Variants in MINDY3 observed in about 807,000 individuals in gnomAD.
MINDY3 encodes ubiquitin carboxyl-terminal hydrolase MINDY-3.
Under a neutral mutation model 69.2 loss-of-function variants are expected in MINDY3, and 38 were observed. The observed-to-expected ratio is 0.55, with a 90% CI of 0.42 to 0.72. The LOEUF (loss-of-function observed/expected upper bound fraction) is 0.72. MINDY3 is among the 30% of genes least tolerant of loss of function. MINDY3 has a pLI of 0.00. For missense variants in MINDY3, 522 were observed against 519.0 expected, an observed-to-expected ratio of 1.01 and a Z score of -0.06; for synonymous variants, 192 against 180.1, an observed-to-expected ratio of 1.07 and a Z score of -0.53.
rs771489297 is a variant in MINDY3, at chr10:15,838,276, G to A, written c.413C>T (p.Ala138Val). The A allele has an allele frequency of 6.2e-7, 1 of 1,601,542 alleles. No homozygotes were observed. Among genetic ancestry groups the A allele is most frequent in the Non-Finnish European group, 8.5e-7 (1 of 1,175,108 alleles). Residue 138 changes from alanine to valine, a missense_variant, in exon 5 of 15, where the codon GCC (alanine) becomes GTC (valine). Physicochemically the swap from Ala to Val is moderately conservative, Grantham distance 64 (BLOSUM62 0). Transcript: ENST00000277632. The part of the protein sequence containing the change: ...ESSCQVEHSS[A>V]LAVEELGFER... ...AAAGCCAAGCTCTTCGACAGCCAAG[G>A]CAGCTATACATAAAAGACACTTTTC...
chr10:15,850,291 A>G (rs1834188410), intron 1 of MINDY3, among the ~76,000 whole-genome samples: 1 of 152,354 alleles, frequency 6.6e-6, no homozygotes, highest in African/African-American at 2.4e-5. Flanking sequence ...GTGTTTGAAC[A>G]ATATGAAATT....
chr10:15,802,467 C>G (rs776317466), intron 10 of MINDY3, among the ~76,000 whole-genome samples: 5 of 152,050 alleles, frequency 3.3e-5, no homozygotes, highest in Admixed American at 6.6e-5. Context: ...ACAACCAGAT[C>G]TCCTGAGAAC....
At chr10:15,799,389 G>A (rs890903270) in intron 10 of MINDY3, among the ~76,000 whole-genome samples, 11 of 151,824 alleles carry the variant, frequency 7.2e-5, no homozygotes, top group African/African-American at 2.7e-4. Flanking sequence ...AGTAGAGACC[G>A]GGTTTCACTA....
chr10:15,780,909 A>G (rs969149581), intron 14 of MINDY3, among the ~76,000 whole-genome samples: 2 of 152,128 alleles, frequency 1.3e-5, no homozygotes, highest in African/African-American at 2.4e-5. Context: ...TGTTCTGCCA[A>G]TGACTTGCTG....
chr10:15,801,472 C>A (rs1838256106), intron 10 of MINDY3, among the ~76,000 whole-genome samples: 2 of 152,024 alleles, frequency 1.3e-5, no homozygotes, highest in Admixed American at 1.3e-4. Context: ...AAGAGACCAC[C>A]TTTTAAAGTT....
chr10:15,844,979 T>TA, intron 2 of MINDY3, among the ~76,000 whole-genome samples: 1 of 152,308 alleles, frequency 6.6e-6, no homozygotes, highest in East Asian at 1.9e-4. Context: ...CCCTGAATCT[T>TA]AGTGTTTTTC....
chr10:15,849,644 G>T (rs1564530510), intron 1 of MINDY3, among the ~76,000 whole-genome samples: 1 of 152,084 alleles, frequency 6.6e-6, no homozygotes, highest in Non-Finnish European at 1.5e-5. Context: ...TGGTACAAAA[G>T]AAATTAGAGC....
intron 9 of MINDY3, 58 bp downstream of exon 9, chr10:15,821,598 T>C (rs1194429865): frequency 3.1e-6 from 4 of 1,298,964 alleles, no homozygotes; most frequent in Middle Eastern, 1.9e-4. Flanking sequence ...CAAAACAGTA[T>C]CCACAATAGT....
intron 14 of MINDY3, 121 bp from the exon 15 acceptor site, chr10:15,779,262 C>T (rs1259519012): frequency 1.4e-6 from 1 of 722,742 alleles, no homozygotes; most frequent in Non-Finnish European, 2.0e-6. Context: ...TGAAACTTGA[C>T]ATGTAATTTT....
In MINDY3 at chr10:15,822,921, T is replaced by C. The variant is rs143335540; in HGVS notation, c.731-1195A>G. ...ATAATATATTTGGGTCCATAATATATCTAAAAAGCATTTCTTTCTGGGTAA... is the reference window on the plus strand; with the variant it reads ...ATAATATATTTGGGTCCATAATATACCTAAAAAGCATTTCTTTCTGGGTAA... On this transcript the variant is annotated intron_variant, in intron 8 of 14. Coordinates refer to ENST00000277632, the MANE Select transcript of MINDY3 (RefSeq NM_024948.4). Among the ~76,000 whole-genome samples the C allele has an allele frequency of 7.4e-3, 1,126 of 152,258 alleles. 5 individuals carry two copies. Among genetic ancestry groups the C allele is most frequent in the Middle Eastern group, 0.014 (4 of 294 alleles).
At position 15,804,274 on chromosome 10, in the gene MINDY3, AT is replaced by A. The variant is rs558819048; in HGVS notation, c.883-8103del. On this transcript the variant is annotated intron_variant, in intron 10 of 14. Coordinates refer to ENST00000277632, the MANE Select transcript of MINDY3 (RefSeq NM_024948.4). ...GGTGGACCAAGCTGTTAATGGGACT[AT>A]CTAATAGCCTACAATCATGAAACAG... Among the ~76,000 whole-genome samples the A allele has an allele frequency of 3.7e-3, 562 of 152,148 alleles. 3 individuals are homozygous for A. The highest frequency in any genetic ancestry group is 0.012 in the African/African-American group (496 of 41,536).
intron 7 of MINDY3, among the ~76,000 whole-genome samples, chr10:15,833,977 G>C (rs1832909877): frequency 6.6e-6 from 1 of 151,778 alleles, no homozygotes; most frequent in Admixed American, 6.6e-5. Context: ...AAAAATGACA[G>C]ACTAATAAGT....
At chr10:15,816,996 G>A in intron 9 of MINDY3, 81 bp from the exon 10 acceptor site, 3 of 1,020,850 alleles carry the variant, frequency 2.9e-6, no homozygotes, top group African/African-American at 1.6e-5. Flanking sequence ...AATATCTGAA[G>A]CATAAAGTGT....
intron 1 of MINDY3, among the ~76,000 whole-genome samples, chr10:15,850,577 C>T (rs1467985444): frequency 6.6e-6 from 1 of 152,008 alleles, no homozygotes; most frequent in Non-Finnish European, 1.5e-5. Flanking sequence ...CTGTAGCGCC[C>T]CCAGGCTTAT....
rs1835010155 is a variant in MINDY3, at chr10:15,860,332, C to T, written c.-33G>A. 2 of 1,498,894 alleles carry T rather than the reference C, an allele frequency of 1.3e-6. No homozygotes were observed. The highest frequency in any genetic ancestry group is 1.8e-6 in the Non-Finnish European group (2 of 1,093,256). The allele number at this position is 1,498,894 out of a possible 1,614,324, so 92.8% of individuals were successfully genotyped here. On this transcript the variant is annotated 5_prime_UTR_variant, in exon 1 of 15. Transcript: ENST00000277632. ...AACCGGCGGGCGGATCTTCGCTTTG[C>T]GGACTCCTGCCCCGGAACATGGGGA...
intron 10 of MINDY3, among the ~76,000 whole-genome samples, chr10:15,813,149 C>A (rs75928440): frequency 0.016 from 2,468 of 152,242 alleles, 83 homozygotes; most frequent in African/African-American, 0.057. Flanking sequence ...ACTACTCCCA[C>A]TACCAATTTT....
At chr10:15,829,351 T>C (rs1436107047) in intron 8 of MINDY3, among the ~76,000 whole-genome samples, 1 of 152,178 alleles carries the variant, frequency 6.6e-6, no homozygotes, top group African/African-American at 2.4e-5. Context: ...CAATATCACT[T>C]GCTTAAAAAT....
chr10:15,853,588 A>C (rs1395997938), intron 1 of MINDY3, among the ~76,000 whole-genome samples: 1 of 152,124 alleles, frequency 6.6e-6, no homozygotes, highest in African/African-American at 2.4e-5. Flanking sequence ...TTGATCTTGA[A>C]TACAATGTCT....
intron 10 of MINDY3, among the ~76,000 whole-genome samples, chr10:15,800,463 G>A (rs1310044025): frequency 2.0e-5 from 3 of 152,056 alleles, no homozygotes; most frequent in Non-Finnish European, 1.5e-5. Flanking sequence ...TCTGCTCAGA[G>A]CACAAGTATG....
Sources: allele counts gnomAD v4.1 joint callset (sites outside exome capture counted in the v4.1 genomes callset), GRCh38; gene constraint gnomAD v4.1.1; transcripts MANE v1.5; gene names NCBI Gene and HGNC (gene_info 2026-07-23, HGNC 2026-07-21).